GULP1: variants seen among roughly 807,000 people sequenced by gnomAD.
GULP1 encodes PTB domain-containing engulfment adapter protein 1.
A neutral mutation model predicts 40.9 loss-of-function variants in GULP1; 19 were observed. The ratio of observed to expected loss-of-function variants is 0.46; its 90% CI spans 0.32 to 0.68. GULP1 has a LOEUF of 0.68. Ranked by LOEUF, GULP1 falls within the 30% of genes least tolerant of loss-of-function variation. The pLI, the probability that GULP1 is intolerant of heterozygous loss-of-function variation, is 0.03. For missense variants in GULP1, 312 were observed against 362.2 expected, an observed-to-expected ratio of 0.86 and a Z score of 1.12; for synonymous variants, 119 against 117.6, an observed-to-expected ratio of 1.01 and a Z score of -0.08.
At chr2:188,421,684 A>G (rs1473280292) in intron 2 of GULP1, among the ~76,000 whole-genome samples, 1 of 152,156 alleles carries the variant, frequency 6.6e-6, no homozygotes, top group East Asian at 1.9e-4. Flanking sequence ...ATAATATGAT[A>G]GATTATATAG....
At chr2:188,338,214 G>T (rs1476870929) in intron 1 of GULP1, among the ~76,000 whole-genome samples, 1 of 151,586 alleles carries the variant, frequency 6.6e-6, no homozygotes, top group Non-Finnish European at 1.5e-5. Flanking sequence ...ACCCCTCATT[G>T]GTACAACTGA....
chr2:188,520,720 G>C (rs1055592039), intron 4 of GULP1, among the ~76,000 whole-genome samples: 1 of 151,960 alleles, frequency 6.6e-6, no homozygotes, highest in Non-Finnish European at 1.5e-5. Flanking sequence ...CCTGTTAACT[G>C]TTTCTAACTC....
At chr2:188,332,354 T>C (rs951090850) in intron 1 of GULP1, among the ~76,000 whole-genome samples, 2 of 152,112 alleles carry the variant, frequency 1.3e-5, no homozygotes, top group Non-Finnish European at 2.9e-5. Flanking sequence ...CACACCTGGC[T>C]AATTTTTGTA....
intron 1 of GULP1, among the ~76,000 whole-genome samples, chr2:188,321,763 T>A (rs1203606995): frequency 6.6e-6 from 1 of 152,024 alleles, no homozygotes; most frequent in Non-Finnish European, 1.5e-5. Context: ...ACACCTGTAA[T>A]CCCAGCACTT....
chr2:188,428,490 G>A (rs1168345119), intron 2 of GULP1, among the ~76,000 whole-genome samples: 1 of 152,062 alleles, frequency 6.6e-6, no homozygotes, highest in African/African-American at 2.4e-5. Context: ...TTGATTATGG[G>A]GTGGTGTCTC....
intron 2 of GULP1, among the ~76,000 whole-genome samples, chr2:188,389,551 G>A (rs994968491): frequency 6.6e-6 from 1 of 152,164 alleles, no homozygotes; most frequent in African/African-American, 2.4e-5. Context: ...GATAGGAAAA[G>A]TGTCCTTACC....
chr2:188,443,920 T>G (rs545090920), intron 2 of GULP1, among the ~76,000 whole-genome samples: 142 of 152,296 alleles, frequency 9.3e-4, no homozygotes, highest in Non-Finnish European at 1.6e-3. Flanking sequence ...CTCATCATAT[T>G]TGTTTTTCTT....
rs549749832 is a variant in GULP1 at position 188,481,955 on chromosome 2, A to G, written c.29-1476A>G. On this transcript the variant is annotated intron_variant, in intron 3 of 11. Coordinates refer to ENST00000409830, the MANE Select transcript of GULP1 (RefSeq NM_016315.4). ...TTAATCATATTACTATCCATTAGCA[A>G]TCACAAAAAGTATAGCTAAGATGAC... Among the ~76,000 whole-genome samples, 10 of 151,874 alleles carry G rather than the reference A, an allele frequency of 6.6e-5. No individual in the cohort carries two copies. In the South Asian group the frequency reaches 1.9e-3, roughly 28 times the overall value.
At chr2:188,462,023 T>A (rs2059747594) in intron 2 of GULP1, among the ~76,000 whole-genome samples, 1 of 151,462 alleles carries the variant, frequency 6.6e-6, no homozygotes, top group Non-Finnish European at 1.5e-5. Flanking sequence ...GATTACATTA[T>A]TTATTTGAAG....
chr2:188,588,719 C>T (rs1702910734), intron 11 of GULP1: 1 of 152,044 alleles, frequency 6.6e-6, no homozygotes, highest in African/African-American at 2.4e-5. Flanking sequence ...AATGAAGACA[C>T]TAAAGTAAGG....
At chr2:188,364,579 G>A (rs898256311) in intron 1 of GULP1, among the ~76,000 whole-genome samples, 3 of 151,960 alleles carry the variant, frequency 2.0e-5, no homozygotes, top group Non-Finnish European at 2.9e-5. Flanking sequence ...CTGGGAGGGA[G>A]ATGCTAGTCA....
At chr2:188,410,417 C>T (rs186195182) in intron 2 of GULP1, among the ~76,000 whole-genome samples, 145 of 152,036 alleles carry the variant, frequency 9.5e-4, no homozygotes, top group Admixed American at 6.5e-3. Context: ...ACCTATGGAA[C>T]GGGAGAATGT....
At chr2:188,408,665 C>T (rs973908606) in intron 2 of GULP1, among the ~76,000 whole-genome samples, 7 of 152,172 alleles carry the variant, frequency 4.6e-5, no homozygotes, top group South Asian at 2.1e-4. Context: ...TTAGACCAAG[C>T]GGACCAGACA....
intron 1 of GULP1, among the ~76,000 whole-genome samples, chr2:188,346,463 TACA>T (rs376597672): frequency 1.0e-3 from 152 of 152,232 alleles, no homozygotes; most frequent in Non-Finnish European, 1.1e-3. Flanking sequence ...TTAGATTTTT[TACA>T]ACAATAATCT....
chr2:188,556,034 G>A (rs1457698519), intron 7 of GULP1, among the ~76,000 whole-genome samples: 1 of 151,032 alleles, frequency 6.6e-6, no homozygotes, highest in Non-Finnish European at 1.5e-5. Flanking sequence ...GCCCATCCTG[G>A]GTGACAGAGT....
chr2:188,570,510 G>A (rs79436710), intron 9 of GULP1, among the ~76,000 whole-genome samples: 2,974 of 152,218 alleles, frequency 0.02, 95 homozygotes, highest in African/African-American at 0.068. Context: ...GAATTCAACT[G>A]TGAGCAAGAC....
chr2:188,548,289 T>G (rs1391650091), intron 7 of GULP1, among the ~76,000 whole-genome samples: 2 of 152,096 alleles, frequency 1.3e-5, no homozygotes, highest in Admixed American at 1.3e-4. Flanking sequence ...GAATACATAA[T>G]TAACATACAT....
At chr2:188,340,317 A>C (rs1574537382) in intron 1 of GULP1, among the ~76,000 whole-genome samples, 2 of 152,322 alleles carry the variant, frequency 1.3e-5, no homozygotes, top group South Asian at 4.1e-4. Flanking sequence ...CTATGCAGGA[A>C]ATATGGTACT....
intron 1 of GULP1, among the ~76,000 whole-genome samples, chr2:188,355,507 AT>A (rs2045165474): frequency 6.6e-6 from 1 of 151,984 alleles, no homozygotes; most frequent in Non-Finnish European, 1.5e-5. Context: ...CAGCAGACCA[AT>A]AATGATGTGA....
Sources: gnomAD v4.1 joint callset for allele counts (sites outside exome capture counted in the v4.1 genomes callset) on GRCh38, gnomAD v4.1.1 for gene constraint, MANE v1.5 for transcripts, NCBI Gene and HGNC (gene_info 2026-07-23, HGNC 2026-07-21) for gene names.